The following CLEC16A variants were observed in gnomAD, a reference collection of about 807,000 sequenced individuals.
CLEC16A encodes the protein protein CLEC16A.
In CLEC16A, 51 loss-of-function variants were observed where a neutral mutation model predicts 109.5. The observed-to-expected ratio is 0.47, with a 90% CI of 0.37 to 0.59. The LOEUF (loss-of-function observed/expected upper bound fraction) is 0.59. Among genes scored for constraint, CLEC16A ranks in the 20% least tolerant of loss-of-function variants. CLEC16A has a pLI of 0.00. For missense variants in CLEC16A, 1,339 were observed against 1,394.0 expected, an observed-to-expected ratio of 0.96 and a Z score of 0.63; for synonymous variants, 673 against 564.2, an observed-to-expected ratio of 1.19 and a Z score of -2.73.
intron 19 of CLEC16A, among the ~76,000 whole-genome samples, chr16:11,112,381 C>G (rs1368732887): frequency 6.7e-6 from 1 of 150,372 alleles, no homozygotes; most frequent in Non-Finnish European, 1.5e-5. Context: ...TAGAATGGGT[C>G]AGGTGTGGTG....
intron 22 of CLEC16A, among the ~76,000 whole-genome samples, chr16:11,139,879 T>C (rs181072964): frequency 6.6e-6 from 1 of 152,346 alleles, no homozygotes; most frequent in East Asian, 1.9e-4. Flanking sequence ...ATCCTATTTA[T>C]TGAATGCCAA....
intron 13 of CLEC16A, chr16:11,027,624 G>A: frequency 1.9e-6 from 3 of 1,558,822 alleles, no homozygotes. Flanking sequence ...GCATTTCCAG[G>A]AGATCTCATG....
chr16:11,018,472 A>T (rs912705118), intron 11 of CLEC16A, among the ~76,000 whole-genome samples: 1 of 149,668 alleles, frequency 6.7e-6, no homozygotes, highest in Non-Finnish European at 1.5e-5. Context: ...AGCTTGGGCC[A>T]GGCGCGGTAG....
intron 11 of CLEC16A, among the ~76,000 whole-genome samples, chr16:11,012,835 ATGCATTTGTATTATCGTC>A (rs2045517765): frequency 6.6e-6 from 1 of 152,144 alleles, no homozygotes; most frequent in South Asian, 2.1e-4. Context: ...ATTTATTGTC[ATGCATTTGTATTATCGTC>A]TACTTTATGA....
chr16:11,104,682 AC>A (rs2051115167), intron 19 of CLEC16A, among the ~76,000 whole-genome samples: 1 of 152,194 alleles, frequency 6.6e-6, no homozygotes, highest in African/African-American at 2.4e-5. Context: ...CCCTCTCTGC[AC>A]CCCAGCTTAC....
chr16:11,055,034 A>G (rs1597224865), intron 18 of CLEC16A, among the ~76,000 whole-genome samples: 1 of 151,904 alleles, frequency 6.6e-6, no homozygotes, highest in East Asian at 1.9e-4. Context: ...AAAGAGGTTC[A>G]AACAATTCTC....
Position 11,179,722 on chromosome 16 carries a change from GTGTGCCCACATGTGCCGAGAGA to G in CLEC16A, c.*1035_*1056del, listed in dbSNP as rs1199791036. On this transcript the variant is annotated 3_prime_UTR_variant, in exon 24 of 24. Coordinates refer to ENST00000409790, the MANE Select transcript of CLEC16A (RefSeq NM_015226.3). ...CTCTACGTCACCTGCCCTCGACTGT[GTGTGCCCACATGTGCCGAGAGA>G]TGGCCCAGAGCCAGTTCCCCTCCAG... 1 of 152,388 alleles carries G rather than the reference GTGTGCCCACATGTGCCGAGAGA, an allele frequency of 6.6e-6. No homozygotes were observed. Among genetic ancestry groups the G allele is most frequent in the Non-Finnish European group, 1.5e-5 (1 of 68,172 alleles). The allele number at this position is 152,388 out of a possible 1,614,324, so 9.4% of individuals were successfully genotyped here.
At chr16:10,969,386 T>G in intron 4 of CLEC16A, 77 bp downstream of exon 4, 1 of 1,016,088 alleles carries the variant, frequency 9.8e-7, no homozygotes, top group Non-Finnish European at 1.4e-6. Flanking sequence ...CGGCAGCGCC[T>G]TATATCTGGA....
At chr16:10,985,862 C>A (rs1242286223) in intron 10 of CLEC16A, among the ~76,000 whole-genome samples, 4 of 138,786 alleles carry the variant, frequency 2.9e-5, no homozygotes, top group Admixed American at 7.2e-5. Context: ...TGTGCCACCA[C>A]GCCCAGCTAA....
At chr16:11,122,684 C>T (rs1271010940) in intron 20 of CLEC16A, among the ~76,000 whole-genome samples, 1 of 152,166 alleles carries the variant, frequency 6.6e-6, no homozygotes, top group Non-Finnish European at 1.5e-5. Flanking sequence ...TCCCCACCTC[C>T]TTTAACATTT....
intron 13 of CLEC16A, chr16:11,027,679 A>G (rs571779691): frequency 5.1e-6 from 8 of 1,574,478 alleles, no homozygotes; most frequent in African/African-American, 1.3e-5. Context: ...CATGCTACCA[A>G]AAATAGAGTG....
At chr16:11,110,103 A>AGG (rs992099360) in intron 19 of CLEC16A, among the ~76,000 whole-genome samples, 1 of 152,198 alleles carries the variant, frequency 6.6e-6, no homozygotes, top group African/African-American at 2.4e-5. Flanking sequence ...AGGGGGCTGT[A>AGG]GGGGAAGGCT....
chr16:11,098,724 G>A (rs964556599), intron 19 of CLEC16A, among the ~76,000 whole-genome samples: 4 of 152,242 alleles, frequency 2.6e-5, no homozygotes, highest in Admixed American at 6.5e-5. Context: ...AAGACGCTGT[G>A]TGTGAGCTTC....
intron 22 of CLEC16A, among the ~76,000 whole-genome samples, chr16:11,134,767 TG>T (rs1427563337): frequency 6.6e-6 from 1 of 152,282 alleles, no homozygotes; most frequent in Non-Finnish European, 1.5e-5. Context: ...CTGCAATGAC[TG>T]AGCTACTTCG....
intron 10 of CLEC16A, 43 bp from the exon 11 acceptor site, chr16:11,003,031 C>G (rs1399600574): frequency 6.6e-7 from 1 of 1,505,686 alleles, no homozygotes; most frequent in Non-Finnish European, 9.0e-7. Flanking sequence ...CAGCAGGATT[C>G]TAGTGTTCAA....
chr16:10,977,185 G>A (rs200728898), intron 7 of CLEC16A, 40 bp from the exon 8 acceptor site: 1 of 1,594,314 alleles, frequency 6.3e-7, no homozygotes, highest in Non-Finnish European at 8.6e-7. Flanking sequence ...AAGGCTCCTA[G>A]TGTTGGCCTC....
At position 10,973,072 on chromosome 16, in the gene CLEC16A, C is replaced by T; in HGVS notation, c.728+11C>T. 1 of 1,593,002 alleles carries T rather than the reference C, an allele frequency of 6.3e-7. No individual in the cohort carries two copies. The highest frequency in any genetic ancestry group is 8.5e-7 in the Non-Finnish European group (1 of 1,169,736). ...GCAGACTGATGAGGAGTAAGTGACA[C>T]CCCCAGGGCCACTCAGTAGATAGAC... On this transcript the variant is annotated intron_variant, in intron 7 of 23. Coordinates refer to ENST00000409790, the MANE Select transcript of CLEC16A (RefSeq NM_015226.3).
chr16:10,957,668 C>T (rs2042053784), intron 1 of CLEC16A, 114 bp from the exon 2 acceptor site: 3 of 1,082,464 alleles, frequency 2.8e-6, no homozygotes, highest in Non-Finnish European at 4.1e-6. Context: ...AATTGCATTA[C>T]CCAAACCTGA....
chr16:11,130,203 T>C (rs2053108964), intron 22 of CLEC16A, among the ~76,000 whole-genome samples: 1 of 152,200 alleles, frequency 6.6e-6, no homozygotes, highest in Non-Finnish European at 1.5e-5. Flanking sequence ...TCTCAGCGCC[T>C]AGCTCTGTGC....
Sources: allele counts gnomAD v4.1 joint callset (sites outside exome capture counted in the v4.1 genomes callset), GRCh38; gene constraint gnomAD v4.1.1; transcripts MANE v1.5; gene names NCBI Gene and HGNC (gene_info 2026-07-23, HGNC 2026-07-21).